CNTNAP2: variants seen among roughly 807,000 people sequenced by gnomAD.
CNTNAP2 encodes contactin-associated protein-like 2.
Under a neutral mutation model 155.2 loss-of-function variants are expected in CNTNAP2, and 98 were observed. The observed-to-expected ratio is 0.63, with a 90% CI of 0.54 to 0.75. The LOEUF (loss-of-function observed/expected upper bound fraction) is 0.75. Among genes scored for constraint, CNTNAP2 ranks in the 30% least tolerant of loss-of-function variants. CNTNAP2 has a pLI of 0.00. For synonymous variants in CNTNAP2, 651 were observed against 631.2 expected (o/e 1.03, Z -0.47); for missense variants, 1,727 against 1,688.1 (o/e 1.02, Z -0.40).
chr7:146,364,726 A>C (rs541781533), intron 1 of CNTNAP2, among the ~76,000 whole-genome samples: 1 of 152,338 alleles, frequency 6.6e-6, no homozygotes, highest in East Asian at 1.9e-4. Context: ...ATCAGAATGC[A>C]AAGATAATTA....
At chr7:148,165,498 T>TAATTTATAG (rs1377753603) in intron 17 of CNTNAP2, among the ~76,000 whole-genome samples, 18 of 152,338 alleles carry the variant, frequency 1.2e-4, no homozygotes, top group African/African-American at 4.3e-4. Context: ...TCCAACTATG[T>TAATTTATAG]GCTTCTATAG....
At chr7:147,960,698 G>T (rs1563149500) in intron 14 of CNTNAP2, among the ~76,000 whole-genome samples, 1 of 152,104 alleles carries the variant, frequency 6.6e-6, no homozygotes, top group Non-Finnish European at 1.5e-5. Flanking sequence ...GTCCAGAGGA[G>T]AGTGGACGGT....
intron 10 of CNTNAP2, among the ~76,000 whole-genome samples, chr7:147,407,197 A>G (rs535278921): frequency 7.9e-5 from 12 of 152,266 alleles, no homozygotes; most frequent in Admixed American, 7.2e-4. Context: ...GGCCGGGTGC[A>G]GTGGCTCACG....
intron 1 of CNTNAP2, among the ~76,000 whole-genome samples, chr7:146,366,931 T>C (rs1795163813): frequency 6.6e-6 from 1 of 152,148 alleles, no homozygotes; most frequent in African/African-American, 2.4e-5. Flanking sequence ...TCAGGTCAAA[T>C]TATGAAACAG....
At chr7:147,972,400 G>C (rs1044402858) in intron 14 of CNTNAP2, among the ~76,000 whole-genome samples, 8 of 152,044 alleles carry the variant, frequency 5.3e-5, no homozygotes, top group African/African-American at 1.9e-4. Flanking sequence ...TAAAAACTGG[G>C]GATGTTTATT....
chr7:148,391,310 A>ATGAT (rs1799342601), intron 22 of CNTNAP2, among the ~76,000 whole-genome samples: 1 of 147,868 alleles, frequency 6.8e-6, no homozygotes, highest in Non-Finnish European at 1.5e-5. Context: ...TGATTTTCAC[A>ATGAT]TGATTGGAGT....
chr7:147,832,542 TCAATATA>T (rs532492073), intron 13 of CNTNAP2, among the ~76,000 whole-genome samples: 1,461 of 145,780 alleles, frequency 0.01, 73 homozygotes, highest in Admixed American at 0.082. Context: ...TTTTTATATT[TCAATATA>T]TTATATTGAA....
At chr7:147,334,611 T>G (rs1025179230) in intron 9 of CNTNAP2, among the ~76,000 whole-genome samples, 2 of 152,148 alleles carry the variant, frequency 1.3e-5, no homozygotes, top group African/African-American at 4.8e-5. Flanking sequence ...CTGCACAATT[T>G]GGAGATCAAG....
intron 1 of CNTNAP2, among the ~76,000 whole-genome samples, chr7:146,473,483 C>T (rs1490059251): frequency 6.6e-6 from 1 of 152,096 alleles, no homozygotes; most frequent in East Asian, 1.9e-4. Context: ...TCCTGTCCCT[C>T]AGGAAACCAA....
At chr7:148,097,340 T>TAAAAAAAAAAAAAA (rs754030091) in intron 15 of CNTNAP2, among the ~76,000 whole-genome samples, 14 of 78,476 alleles carry the variant, frequency 1.8e-4, no homozygotes, top group African/African-American at 6.7e-4. Context: ...GTGTCATTTG[T>TAAAAAAAAAAAAAA]AAAAAAAAAA....
chr7:146,553,062 C>G (rs1026870537), intron 1 of CNTNAP2, among the ~76,000 whole-genome samples: 1 of 152,088 alleles, frequency 6.6e-6, no homozygotes, highest in African/African-American at 2.4e-5. Context: ...ATTACTTTCT[C>G]TCTACTGGAG....
chr7:146,603,676 T>G (rs1460122521), intron 1 of CNTNAP2, among the ~76,000 whole-genome samples: 4 of 150,824 alleles, frequency 2.7e-5, no homozygotes, highest in Non-Finnish European at 3.0e-5. Context: ...CAAACTATAC[T>G]ACAAGGCTAC....
intron 19 of CNTNAP2, among the ~76,000 whole-genome samples, chr7:148,224,861 GC>G (rs541689257): frequency 8.8e-4 from 134 of 152,190 alleles, no homozygotes; most frequent in African/African-American, 3.2e-3. Context: ...GGAGGGAAAG[GC>G]CCCTTATAAA....
intron 8 of CNTNAP2, among the ~76,000 whole-genome samples, chr7:147,141,774 CA>C (rs1801602506): frequency 6.6e-6 from 1 of 152,104 alleles, no homozygotes; most frequent in African/African-American, 2.4e-5. Context: ...AACCTGACAT[CA>C]ATGATGTCCT....
At chr7:147,504,920 T>C (rs946392872) in intron 11 of CNTNAP2, among the ~76,000 whole-genome samples, 1 of 151,826 alleles carries the variant, frequency 6.6e-6, no homozygotes, top group Non-Finnish European at 1.5e-5. Flanking sequence ...TTGAATGTGA[T>C]TAAATATGCA....
chr7:147,719,177 G>A (rs1256102901), intron 13 of CNTNAP2, among the ~76,000 whole-genome samples: 1 of 152,074 alleles, frequency 6.6e-6, no homozygotes, highest in Non-Finnish European at 1.5e-5. Flanking sequence ...CAAAGGAATT[G>A]CAGTGGTCAG....
At chr7:148,295,652 T>C (rs28427379) in intron 21 of CNTNAP2, among the ~76,000 whole-genome samples, 38,731 of 118,294 alleles carry the variant, frequency 0.33, 8,509 homozygotes, top group African/African-American at 0.49. Context: ...CCACCGCGCC[T>C]GGCTAATTTT....
At chr7:147,603,894 A>G (rs1563017697) in intron 12 of CNTNAP2, among the ~76,000 whole-genome samples, 1 of 152,070 alleles carries the variant, frequency 6.6e-6, no homozygotes, top group Non-Finnish European at 1.5e-5. Context: ...ATGGAACAGA[A>G]CAGAGCCCTC....
chr7:147,109,510 G>C (rs1370262956), intron 5 of CNTNAP2, among the ~76,000 whole-genome samples: 2 of 152,124 alleles, frequency 1.3e-5, no homozygotes, highest in South Asian at 4.1e-4. Context: ...ATGAGACTGA[G>C]AGAGGAAGAC....
Sources: gnomAD v4.1 joint callset for allele counts (sites outside exome capture counted in the v4.1 genomes callset) on GRCh38, gnomAD v4.1.1 for gene constraint, MANE v1.5 for transcripts, NCBI Gene and HGNC (gene_info 2026-07-23, HGNC 2026-07-21) for gene names.